The following HEATR5B variants were observed in gnomAD, a reference collection of about 807,000 sequenced individuals.
HEATR5B encodes HEAT repeat containing 5B.
A neutral mutation model predicts 224.1 loss-of-function variants in HEATR5B; 156 were observed. The ratio of observed to expected loss-of-function variants is 0.70; its 90% CI spans 0.61 to 0.80. The LOEUF (loss-of-function observed/expected upper bound fraction) is 0.80, where lower values mean the gene tolerates loss of function less well. Among genes scored for constraint, HEATR5B ranks in the 30% least tolerant of loss-of-function variants. The probability of loss-of-function intolerance (pLI) is 0.00; values close to 1 mark genes in which losing one functional copy is unlikely to be tolerated. For synonymous variants in HEATR5B, 1,027 were observed against 893.0 expected (o/e 1.15, Z -2.68); for missense variants, 2,323 against 2,535.5 (o/e 0.92, Z 1.80).
intron 24 of HEATR5B, among the ~76,000 whole-genome samples, chr2:37,021,963 C>T (rs4635515): frequency 0.11 from 16,071 of 151,424 alleles, 1,337 homozygotes; most frequent in African/African-American, 0.23. Context: ...TCACTGCTTA[C>T]CCTTCGTTCC....
At chr2:37,056,750 G>A in intron 15 of HEATR5B, 135 bp from the exon 16 acceptor site, 1 of 682,254 alleles carries the variant, frequency 1.5e-6, no homozygotes, top group South Asian at 2.7e-5. Flanking sequence ...CCGAACATTT[G>A]AAAACAGACC....
At chr2:37,000,068 T>TTA (rs1362555881) in intron 33 of HEATR5B, among the ~76,000 whole-genome samples, 1 of 150,990 alleles carries the variant, frequency 6.6e-6, no homozygotes, top group East Asian at 1.9e-4. Flanking sequence ...CCCAGTATAT[T>TTA]TATATATATA....
intron 5 of HEATR5B, among the ~76,000 whole-genome samples, chr2:37,074,943 G>T (rs994879897): frequency 6.6e-6 from 1 of 152,238 alleles, no homozygotes; most frequent in Non-Finnish European, 1.5e-5. Flanking sequence ...TGAAGGAAGA[G>T]AAATTCTCAT....
At chr2:37,002,220 G>T in intron 32 of HEATR5B, 86 bp downstream of exon 32, 1 of 1,430,904 alleles carries the variant, frequency 7.0e-7, no homozygotes, top group Non-Finnish European at 9.7e-7. Context: ...GAGGAAACTG[G>T]GTTATAACAG....
intron 35 of HEATR5B, among the ~76,000 whole-genome samples, chr2:36,984,852 T>C (rs1466461798): frequency 1.3e-5 from 2 of 152,194 alleles, no homozygotes; most frequent in Non-Finnish European, 2.9e-5. Flanking sequence ...AAAACTATTA[T>C]AGTTATCTAT....
chr2:37,083,796 C>T (rs1433451712), intron 1 of HEATR5B, among the ~76,000 whole-genome samples: 1 of 152,214 alleles, frequency 6.6e-6, no homozygotes, highest in Admixed American at 6.5e-5. Flanking sequence ...GCTTGACAAC[C>T]ATCCTCCTCT....
Position 37,053,556 on chromosome 2 carries a change from G to A in HEATR5B, c.2451C>T (p.Val817=), listed in dbSNP as rs766724489. The stretch of plus-strand genomic sequence containing the variant: ...TGTTAAGCTGCACAGCCTGCTGGCG[G>A]ACACCTTTAGCTTGTTTAACACATT... ...FAECVKQAKG[V]RQQAVQLNIF... Residue 817 remains valine, a synonymous_variant, in exon 17 of 36, where the codon GTC becomes GTT. Transcript: ENST00000233099. 8 of 1,610,244 alleles carry A rather than the reference G, an allele frequency of 5.0e-6. No homozygotes were observed. In the East Asian group the frequency reaches 6.7e-5, roughly 13 times the overall value.
At chr2:36,987,073 G>C (rs1665997514) in intron 35 of HEATR5B, among the ~76,000 whole-genome samples, 1 of 152,024 alleles carries the variant, frequency 6.6e-6, no homozygotes, top group Non-Finnish European at 1.5e-5. Flanking sequence ...CTTAAAATGT[G>C]CATTCCCTTC....
intron 35 of HEATR5B, among the ~76,000 whole-genome samples, chr2:36,984,588 G>GA (rs1367851312): frequency 2.0e-5 from 3 of 151,536 alleles, no homozygotes; most frequent in African/African-American, 4.8e-5. Context: ...ATTTGTATAA[G>GA]AAAAAAATAA....
In HEATR5B at chr2:37,032,790, T is replaced by C; in HGVS notation, c.3217-17A>G. ...TAAGTGAACCTGTAAATCATAACAA[T>C]GTTAGGCGATTTCTCTTTAAAAAGC... On this transcript the variant is annotated splice_polypyrimidine_tract_variant and intron_variant, in intron 21 of 35. Transcript: ENST00000233099. The C allele has an allele frequency of 6.2e-7, 1 of 1,606,696 alleles. No individual in the cohort carries two copies. The highest frequency in any genetic ancestry group is 8.5e-7 in the Non-Finnish European group (1 of 1,176,874).
chr2:37,054,196 T>TC (rs1670744176), intron 16 of HEATR5B, among the ~76,000 whole-genome samples: 1 of 147,062 alleles, frequency 6.8e-6, no homozygotes, highest in Non-Finnish European at 1.5e-5. Flanking sequence ...TTCTCTGTTT[T>TC]TTTTTTTTTT....
intron 22 of HEATR5B, 103 bp downstream of exon 22, chr2:37,032,526 T>G: frequency 2.2e-6 from 2 of 908,288 alleles, no homozygotes; most frequent in Non-Finnish European, 3.4e-6. Context: ...GAATAAGACA[T>G]CTGGCCACAT....
intron 8 of HEATR5B, among the ~76,000 whole-genome samples, chr2:37,066,354 G>C (rs974498193): frequency 1.3e-5 from 2 of 152,182 alleles, no homozygotes; most frequent in Non-Finnish European, 2.9e-5. Flanking sequence ...TAAAAAGTCA[G>C]TGCATATAAA....
chr2:36,994,667 A>T (rs1666565192), intron 33 of HEATR5B, among the ~76,000 whole-genome samples: 1 of 152,176 alleles, frequency 6.6e-6, no homozygotes, highest in South Asian at 2.1e-4. Flanking sequence ...ATAACATATC[A>T]AAACTTTCCC....
intron 3 of HEATR5B, among the ~76,000 whole-genome samples, chr2:37,077,507 C>T (rs1672307031): frequency 6.6e-6 from 1 of 152,144 alleles, no homozygotes. Flanking sequence ...GGGGTTTCAC[C>T]ACGTTAGCCA....
At chr2:36,982,037 A>G (rs79394413) in intron 35 of HEATR5B, among the ~76,000 whole-genome samples, 11 of 149,316 alleles carry the variant, frequency 7.4e-5, no homozygotes, top group Admixed American at 1.3e-4. Context: ...AAAAAAAAAA[A>G]GGGCCAAAGG....
At position 37,083,419 on chromosome 2, in the gene HEATR5B, G is replaced by C. The variant is rs181345513; in HGVS notation, c.-5C>G. ...TAAACTGTGGGCTAACTCCATTACG[G>C]AAGTTTGAAATTCACACCTTAAATT... On this transcript the variant is annotated 5_prime_UTR_variant, in exon 2 of 36. Transcript: ENST00000233099. 1.9e-6 allele frequency: 3 copies of C among 1,609,398 alleles called. No homozygotes were observed. Among genetic ancestry groups the C allele is most frequent in the South Asian group, 2.2e-5 (2 of 89,982 alleles).
At chr2:37,004,976 C>T (rs1486526068) in intron 30 of HEATR5B, among the ~76,000 whole-genome samples, 1 of 152,302 alleles carries the variant, frequency 6.6e-6, no homozygotes, top group Non-Finnish European at 1.5e-5. Flanking sequence ...AATGATCCTT[C>T]TGAAATATAA....
intron 7 of HEATR5B, among the ~76,000 whole-genome samples, chr2:37,069,858 T>C (rs991453304): frequency 6.6e-6 from 1 of 151,624 alleles, no homozygotes; most frequent in African/African-American, 2.4e-5. Context: ...TGTTACTTAG[T>C]AACAGTTTTC....
Sources: gnomAD v4.1 joint callset for allele counts (sites outside exome capture counted in the v4.1 genomes callset) on GRCh38, gnomAD v4.1.1 for gene constraint, MANE v1.5 for transcripts, NCBI Gene and HGNC (gene_info 2026-07-23, HGNC 2026-07-21) for gene names.